The following MAGED1 variants were observed in gnomAD, a reference collection of about 807,000 sequenced individuals.
MAGED1 encodes melanoma-associated antigen D1.
In MAGED1, 3 loss-of-function variants were observed where a neutral mutation model predicts 54.1. The observed-to-expected ratio is 0.06, with a 90% CI of 0.03 to 0.14. The LOEUF is 0.14. Ranked by LOEUF, MAGED1 falls within the 10% of genes least tolerant of loss-of-function variation. The pLI, the probability that MAGED1 is intolerant of heterozygous loss-of-function variation, is 1.00. For synonymous variants in MAGED1, 217 were observed against 227.3 expected (o/e 0.95, Z 0.41); for missense variants, 485 against 623.4 (o/e 0.78, Z 2.36).
intron 1 of MAGED1, among the ~76,000 whole-genome samples, chrX:51,825,517 A>G (rs1341871305): frequency 8.9e-6 from 1 of 112,197 alleles, no homozygotes. Context: ...TGTATGTGTA[A>G]CCACTAAAGT....
At chrX:51,880,380 C>G (rs1180274870) in intron 1 of MAGED1, among the ~76,000 whole-genome samples, 8 of 111,598 alleles carry the variant, frequency 7.2e-5, no homozygotes, top group African/African-American at 2.6e-4. Context: ...CACTATTTAA[C>G]ATCCCTAGAA....
chrX:51,808,624 G>A (rs782196289), intron 1 of MAGED1, among the ~76,000 whole-genome samples: 6 of 111,597 alleles, frequency 5.4e-5, no homozygotes, highest in Non-Finnish European at 7.5e-5. Context: ...GGGGAGGATC[G>A]CTTGAGCTGG....
intron 1 of MAGED1, among the ~76,000 whole-genome samples, chrX:51,808,377 T>C (rs1925101389): frequency 8.9e-6 from 1 of 112,386 alleles, no homozygotes; most frequent in African/African-American, 3.2e-5. Flanking sequence ...GTCTTTTCTC[T>C]TTTGTTACAT....
chrX:51,852,465 C>T (rs1368508260), intron 1 of MAGED1, among the ~76,000 whole-genome samples: 1 of 112,029 alleles, frequency 8.9e-6, no homozygotes, highest in African/African-American at 3.2e-5. Context: ...AATTACACAT[C>T]TCTTTTGTAG....
chrX:51,839,185 T>C (rs1359192720), intron 1 of MAGED1, among the ~76,000 whole-genome samples: 1 of 112,077 alleles, frequency 8.9e-6, no homozygotes, highest in African/African-American at 3.2e-5. Context: ...TCAGATTCAC[T>C]ACTATTCGAA....
At chrX:51,848,704 C>A (rs1481501409) in intron 1 of MAGED1, among the ~76,000 whole-genome samples, 1 of 111,702 alleles carries the variant, frequency 9.0e-6, no homozygotes, top group Non-Finnish European at 1.9e-5. Flanking sequence ...GCAAAATATG[C>A]CGGTGGCTTG....
chrX:51,868,428 A>G (rs1405347033), intron 1 of MAGED1, among the ~76,000 whole-genome samples: 2 of 111,094 alleles, frequency 1.8e-5, no homozygotes, highest in Non-Finnish European at 3.8e-5. Flanking sequence ...TGATGGAGAG[A>G]TAGGGAGAGA....
intron 1 of MAGED1, among the ~76,000 whole-genome samples, chrX:51,809,492 G>A (rs781797980): frequency 7.2e-5 from 8 of 111,582 alleles, no homozygotes; most frequent in African/African-American, 1.3e-4. Context: ...TGTCTCATCT[G>A]GATTTAGATG....
At chrX:51,900,055 G>A (rs1557364732) in intron 10 of MAGED1, 127 bp from the exon 11 acceptor site, 2 of 484,499 alleles carry the variant, frequency 4.1e-6, no homozygotes, top group African/African-American at 4.8e-5. Flanking sequence ...TACCCTGATG[G>A]TGTTCAGGAA....
intron 1 of MAGED1, among the ~76,000 whole-genome samples, chrX:51,852,923 A>G (rs1184366992): frequency 8.9e-6 from 1 of 111,928 alleles, no homozygotes; most frequent in Non-Finnish European, 1.9e-5. Flanking sequence ...ATGAAATTCT[A>G]TATTTTGTGC....
intron 1 of MAGED1, among the ~76,000 whole-genome samples, chrX:51,812,884 G>C (rs1202195992): frequency 9.3e-6 from 1 of 107,719 alleles, no homozygotes; most frequent in African/African-American, 3.4e-5. Context: ...GAATGTATAA[G>C]GTTCCAATTT....
intron 1 of MAGED1, among the ~76,000 whole-genome samples, chrX:51,846,826 A>G (rs1926704414): frequency 9.0e-6 from 1 of 111,686 alleles, no homozygotes; most frequent in Non-Finnish European, 1.9e-5. Context: ...TAAACCATTC[A>G]TGAGAACTCC....
chrX:51,828,371 AGATT>A (rs782167329), intron 1 of MAGED1, among the ~76,000 whole-genome samples: 98 of 111,420 alleles, frequency 8.8e-4, no homozygotes, highest in African/African-American at 3.1e-3. Flanking sequence ...GTTACCTCCT[AGATT>A]GATTAAGAAA....
intron 1 of MAGED1, among the ~76,000 whole-genome samples, chrX:51,837,374 C>T (rs1359418953): frequency 8.9e-6 from 1 of 111,797 alleles, no homozygotes; most frequent in Non-Finnish European, 1.9e-5. Flanking sequence ...TCTGCTTTCT[C>T]CTTTTCCTTC....
intron 1 of MAGED1, among the ~76,000 whole-genome samples, chrX:51,809,398 G>A (rs781870397): frequency 6.1e-4 from 68 of 111,824 alleles, no homozygotes; most frequent in Non-Finnish European, 4.7e-4. Flanking sequence ...AATTACAGGC[G>A]TGAGCCACCG....
intron 1 of MAGED1, among the ~76,000 whole-genome samples, chrX:51,818,644 C>T (rs968257607): frequency 1.8e-5 from 2 of 112,150 alleles, no homozygotes; most frequent in East Asian, 5.6e-4. Context: ...CTGATAAGGA[C>T]AGGAACACAG....
intron 1 of MAGED1, among the ~76,000 whole-genome samples, chrX:51,878,935 A>T (rs1557362261): frequency 9.0e-6 from 1 of 110,965 alleles, no homozygotes; most frequent in Non-Finnish European, 1.9e-5. Context: ...TGGTTATTCT[A>T]TCCTTTACTT....
In MAGED1 at chrX:51,840,322, C is replaced by T. The variant is rs139475720; in HGVS notation, c.-37+37205C>T. Among the ~76,000 whole-genome samples, 552 of 110,790 alleles carry T rather than the reference C, an allele frequency of 5.0e-3. 6 individuals are homozygous for T. The highest frequency in any genetic ancestry group is 0.017 in the African/African-American group (520 of 30,505). On this transcript the variant is annotated intron_variant, in intron 1 of 12. Coordinates refer to the MAGED1 transcript ENST00000375772. ...ACTAAATATGGATAGATAGAACCCA[C>T]ATGAACCAAGGCCTTTTGGGGTCCT...
chrX:51,892,225 G>GT (rs782725468), upstream of MAGED1, among the ~76,000 whole-genome samples: 7 of 112,723 alleles, frequency 6.2e-5, no homozygotes, highest in Non-Finnish European at 1.3e-4. Flanking sequence ...GCATAGCAGC[G>GT]TGTGTGTCCT....
Sources: gnomAD v4.1 joint callset for allele counts (sites outside exome capture counted in the v4.1 genomes callset) on GRCh38, gnomAD v4.1.1 for gene constraint, MANE v1.5 for transcripts, NCBI Gene and HGNC (gene_info 2026-07-23, HGNC 2026-07-21) for gene names.